Variants in FSTL5 observed in about 807,000 individuals in gnomAD.
FSTL5 encodes the protein follistatin-related protein 5.
A neutral mutation model predicts 89.1 loss-of-function variants in FSTL5; 62 were observed. The observed-to-expected ratio is 0.70, with a 90% CI of 0.57 to 0.86. The LOEUF is 0.86. Among genes scored for constraint, FSTL5 ranks in the 40% least tolerant of loss-of-function variants. The pLI, the probability that FSTL5 is intolerant of heterozygous loss-of-function variation, is 0.00. For synonymous variants in FSTL5, 383 were observed against 346.2 expected, an observed-to-expected ratio of 1.11 and a Z score of -1.18; for missense variants, 1,057 against 1,001.6, an observed-to-expected ratio of 1.06 and a Z score of -0.75.
intron 1 of FSTL5, among the ~76,000 whole-genome samples, chr4:162,130,052 A>G (rs1732236429): frequency 6.6e-6 from 1 of 152,182 alleles, no homozygotes; most frequent in African/African-American, 2.4e-5. Context: ...GATATTGAGC[A>G]TTTTTCATTT....
chr4:161,389,481 T>C (rs553004060), intron 15 of FSTL5, among the ~76,000 whole-genome samples: 2 of 152,252 alleles, frequency 1.3e-5, no homozygotes, highest in East Asian at 3.9e-4. Flanking sequence ...ATAAAGTTCA[T>C]AAAAAGGCTC....
At chr4:161,879,959 C>T (rs936575135) in intron 4 of FSTL5, among the ~76,000 whole-genome samples, 3 of 152,176 alleles carry the variant, frequency 2.0e-5, no homozygotes, top group East Asian at 3.9e-4. Flanking sequence ...ATGTTAATCT[C>T]TTAAATGTTA....
intron 6 of FSTL5, among the ~76,000 whole-genome samples, chr4:161,716,275 G>A (rs954618766): frequency 1.3e-5 from 2 of 151,886 alleles, no homozygotes; most frequent in South Asian, 2.1e-4. Flanking sequence ...CTCCACCTCC[G>A]ACAGGCCTTT....
chr4:162,076,370 G>C (rs1274103767), intron 2 of FSTL5, among the ~76,000 whole-genome samples: 1 of 151,876 alleles, frequency 6.6e-6, no homozygotes, highest in African/African-American at 2.4e-5. Flanking sequence ...AGTTGTGGAA[G>C]ATAAAGATAC....
At chr4:162,127,174 G>C (rs1206593202) in intron 1 of FSTL5, among the ~76,000 whole-genome samples, 1 of 152,162 alleles carries the variant, frequency 6.6e-6, no homozygotes, top group Non-Finnish European at 1.5e-5. Flanking sequence ...TTTCCCCAAA[G>C]AGCTAAATCT....
chr4:161,645,453 T>TC (rs1298114166), intron 7 of FSTL5, among the ~76,000 whole-genome samples: 1 of 152,098 alleles, frequency 6.6e-6, no homozygotes, highest in South Asian at 2.1e-4. Context: ...ATAATATGAA[T>TC]AAAGACCTTT....
Position 161,649,970 on chromosome 4 carries a change from A to G in FSTL5, c.894+6358T>C, listed in dbSNP as rs534708777. ...TGTGGATGGAAGCCATGGTCTTGGA[A>G]TGCTAGAGAAAAAGATAAGCGATTG... is the stretch of plus-strand genomic sequence containing the variant. On this transcript the variant is annotated intron_variant, in intron 7 of 15. Transcript: ENST00000306100. Among the ~76,000 whole-genome samples, 8 of 152,326 alleles carry G rather than the reference A, an allele frequency of 5.3e-5. 1 individual carries two copies. The South Asian group carries it at 1.7e-3, about 32-fold the overall frequency.
chr4:161,704,579 T>A (rs962932210), intron 6 of FSTL5, among the ~76,000 whole-genome samples: 1 of 152,136 alleles, frequency 6.6e-6, no homozygotes, highest in Non-Finnish European at 1.5e-5. Context: ...AGAAAGGTCA[T>A]TCAATTTTTT....
At chr4:161,915,462 TTTA>T (rs1426176565) in intron 4 of FSTL5, among the ~76,000 whole-genome samples, 4 of 152,062 alleles carry the variant, frequency 2.6e-5, no homozygotes, top group African/African-American at 4.8e-5. Flanking sequence ...CTTTTTAGAT[TTTA>T]TTATATTTTA....
At chr4:162,116,797 C>A (rs1018279763) in intron 1 of FSTL5, among the ~76,000 whole-genome samples, 2 of 152,166 alleles carry the variant, frequency 1.3e-5, no homozygotes, top group East Asian at 3.9e-4. Context: ...GCCTTACTTA[C>A]CCTGCCACAA....
chr4:161,729,246 T>C (rs557198186), intron 6 of FSTL5, among the ~76,000 whole-genome samples: 5 of 152,276 alleles, frequency 3.3e-5, no homozygotes, highest in African/African-American at 1.2e-4. Context: ...TAAATTTACG[T>C]TTAAGAAAGT....
chr4:161,813,425 T>A (rs922427862), intron 4 of FSTL5, among the ~76,000 whole-genome samples: 8 of 151,856 alleles, frequency 5.3e-5, no homozygotes, highest in African/African-American at 1.7e-4. Context: ...TAAAAAAAAT[T>A]TGGGGGGCGG....
intron 7 of FSTL5, among the ~76,000 whole-genome samples, chr4:161,596,532 C>T (rs1187379178): frequency 6.6e-6 from 1 of 151,814 alleles, no homozygotes; most frequent in Non-Finnish European, 1.5e-5. Flanking sequence ...CAAAAAGGTT[C>T]TAATAACTTC....
chr4:161,535,772 C>G (rs187336579), intron 10 of FSTL5, among the ~76,000 whole-genome samples: 60 of 152,126 alleles, frequency 3.9e-4, no homozygotes, highest in Non-Finnish European at 7.2e-4. Flanking sequence ...TTCTACCGAA[C>G]AGACACATGC....
At chr4:161,851,914 T>C (rs72691236) in intron 4 of FSTL5, among the ~76,000 whole-genome samples, 99 of 79,912 alleles carry the variant, frequency 1.2e-3, no homozygotes, top group South Asian at 7.4e-3. Flanking sequence ...CACACACACA[T>C]ACACACACAA....
chr4:161,588,381 C>T (rs1261428318), intron 7 of FSTL5, among the ~76,000 whole-genome samples: 2 of 151,510 alleles, frequency 1.3e-5, no homozygotes, highest in Admixed American at 6.6e-5. Context: ...CATTTATAGC[C>T]ATAACATAGA....
chr4:161,900,099 C>G (rs1288614178), intron 4 of FSTL5, among the ~76,000 whole-genome samples: 3 of 151,988 alleles, frequency 2.0e-5, no homozygotes, highest in African/African-American at 7.2e-5. Context: ...AAGTCTGAGG[C>G]AGAAGAATGA....
chr4:161,537,767 T>C (rs1369036468), intron 10 of FSTL5, among the ~76,000 whole-genome samples: 1 of 152,104 alleles, frequency 6.6e-6, no homozygotes, highest in Admixed American at 6.6e-5. Context: ...GTGACTGCAA[T>C]GTAACTGACA....
At chr4:161,426,154 A>G (rs1408167744) in intron 15 of FSTL5, among the ~76,000 whole-genome samples, 1 of 152,144 alleles carries the variant, frequency 6.6e-6, no homozygotes, top group East Asian at 1.9e-4. Context: ...ATTATATATA[A>G]TGATTAAATT....
Sources: allele counts gnomAD v4.1 joint callset (sites outside exome capture counted in the v4.1 genomes callset), GRCh38; gene constraint gnomAD v4.1.1; transcripts MANE v1.5; gene names NCBI Gene and HGNC (gene_info 2026-07-23, HGNC 2026-07-21).